The following DGKI variants were observed in gnomAD, a reference collection of about 807,000 sequenced individuals.
The protein encoded by DGKI is diacylglycerol kinase iota.
DGKI carries 55 observed loss-of-function variants against 147.5 expected under a neutral mutation model. The ratio of observed to expected loss-of-function variants is 0.37; its 90% CI spans 0.30 to 0.47. The LOEUF (loss-of-function observed/expected upper bound fraction) is 0.47, where lower values mean the gene tolerates loss of function less well. Ranked by LOEUF, DGKI falls within the 20% of genes least tolerant of loss-of-function variation. The pLI, the probability that DGKI is intolerant of heterozygous loss-of-function variation, is 1.00. For synonymous variants in DGKI, 469 were observed against 477.1 expected (o/e 0.98, Z 0.22); for missense variants, 1,007 against 1,323.8 (o/e 0.76, Z 3.71).
intron 1 of DGKI, among the ~76,000 whole-genome samples, chr7:137,724,577 G>T (rs539936577): frequency 1.4e-4 from 21 of 152,284 alleles, no homozygotes; most frequent in African/African-American, 5.1e-4. Context: ...ATGAACTAAT[G>T]ATGAATTGTT....
At chr7:137,793,739 C>A (rs1043001020) in intron 1 of DGKI, among the ~76,000 whole-genome samples, 6 of 152,154 alleles carry the variant, frequency 3.9e-5, no homozygotes, top group Non-Finnish European at 5.9e-5. Context: ...GTGATTCCTA[C>A]AATATGTTCT....
intron 7 of DGKI, among the ~76,000 whole-genome samples, chr7:137,623,198 C>T (rs1267539608): frequency 2.6e-5 from 4 of 152,344 alleles, no homozygotes; most frequent in Admixed American, 2.0e-4. Context: ...AAGTCCTCAA[C>T]TCTAGACCCA....
At position 137,843,611 on chromosome 7, in the gene DGKI, AG is replaced by A. The variant is rs548322373; in HGVS notation, c.401+2850del. ...CAAGCAAAATGAATAATCTGCCTCCAGAAATGGTTATTTAAAGGCTTTTTGT... is the reference window on the plus strand; with the variant it reads ...CAAGCAAAATGAATAATCTGCCTCCAAAATGGTTATTTAAAGGCTTTTTGT... On this transcript the variant is annotated intron_variant, in intron 1 of 32. Transcript: ENST00000614521. 5 of 179,816 alleles carry A rather than the reference AG, an allele frequency of 2.8e-5. No individual in the cohort carries two copies. In the South Asian group the frequency reaches 9.3e-4, roughly 33 times the overall value. The allele number at this position is 179,816 out of a possible 1,614,324, so 11.1% of individuals were successfully genotyped here.
chr7:137,491,779 C>T (rs554631763), intron 21 of DGKI, among the ~76,000 whole-genome samples: 48 of 152,302 alleles, frequency 3.2e-4, no homozygotes, highest in South Asian at 8.3e-4. Context: ...AAACTTTCTC[C>T]AAAGCCCATG....
At chr7:137,583,302 T>C (rs1378882998) in intron 14 of DGKI, among the ~76,000 whole-genome samples, 1 of 152,146 alleles carries the variant, frequency 6.6e-6, no homozygotes, top group African/African-American at 2.4e-5. Context: ...TGTCTTACTC[T>C]TCAGCCTTCT....
chr7:137,449,409 T>C (rs1813862769), intron 27 of DGKI, among the ~76,000 whole-genome samples: 1 of 152,202 alleles, frequency 6.6e-6, no homozygotes, highest in Admixed American at 6.5e-5. Context: ...TTTCAATAAA[T>C]AGTGTTGGGA....
At chr7:137,798,370 C>A (rs4732269) in intron 1 of DGKI, among the ~76,000 whole-genome samples, 152,344 of 152,344 alleles carry the variant, frequency 1, 76,172 homozygotes, top group Non-Finnish European at 1. Flanking sequence ...TCTTAAAACC[C>A]AACCAAAGCA....
In DGKI at chr7:137,575,458, G is replaced by A. The variant is rs573784081; in HGVS notation, c.1761+1764C>T. Among the ~76,000 whole-genome samples, 63 of 152,226 alleles carry A rather than the reference G, an allele frequency of 4.1e-4. 1 individual carries two copies. Among genetic ancestry groups the A allele is most frequent in the African/African-American group, 1.5e-3 (63 of 41,544 alleles). On this transcript the variant is annotated intron_variant, in intron 17 of 32. Coordinates refer to ENST00000614521, the MANE Select transcript of DGKI (RefSeq NM_001321708.2). Reference sequence around the variant, plus strand: ...AAGTTACAGAGTTTGATATCAATCCGGTGACTTGCACAGTACACTGCCATT... The same window carrying A: ...AAGTTACAGAGTTTGATATCAATCCAGTGACTTGCACAGTACACTGCCATT...
intron 32 of DGKI, among the ~76,000 whole-genome samples, chr7:137,392,751 G>C (rs529971836): frequency 6.6e-6 from 1 of 152,192 alleles, no homozygotes; most frequent in South Asian, 2.1e-4. Context: ...GAATTTCCAG[G>C]TTCCAAATAT....
chr7:137,454,366 T>C (rs1351987502), intron 27 of DGKI, among the ~76,000 whole-genome samples: 1 of 152,204 alleles, frequency 6.6e-6, no homozygotes, highest in Admixed American at 6.5e-5. Context: ...TGAATGTCTT[T>C]CGAGTATAAA....
chr7:137,514,625 C>T (rs1816692078), intron 21 of DGKI, among the ~76,000 whole-genome samples: 1 of 152,156 alleles, frequency 6.6e-6, no homozygotes, highest in Admixed American at 6.6e-5. Flanking sequence ...TCTTCCCTAC[C>T]TCTATTTACC....
At chr7:137,527,705 C>T (rs991515341) in intron 20 of DGKI, among the ~76,000 whole-genome samples, 1 of 152,102 alleles carries the variant, frequency 6.6e-6, no homozygotes, top group Non-Finnish European at 1.5e-5. Flanking sequence ...CAGGCATTTG[C>T]TACTCATATA....
At chr7:137,525,461 T>A (rs1444011638) in intron 20 of DGKI, among the ~76,000 whole-genome samples, 1 of 152,146 alleles carries the variant, frequency 6.6e-6, no homozygotes, top group African/African-American at 2.4e-5. Flanking sequence ...CCTTCTCGAA[T>A]CATTTGCAAC....
At chr7:137,435,730 C>G (rs1813255306) in intron 28 of DGKI, among the ~76,000 whole-genome samples, 1 of 152,190 alleles carries the variant, frequency 6.6e-6, no homozygotes, top group Non-Finnish European at 1.5e-5. Flanking sequence ...ACAGTAGGCT[C>G]TACCTAGCAA....
At chr7:137,641,903 A>G (rs1821640796) in intron 6 of DGKI, among the ~76,000 whole-genome samples, 1 of 152,234 alleles carries the variant, frequency 6.6e-6, no homozygotes, top group Admixed American at 6.5e-5. Context: ...TGCTTCCCTC[A>G]AAAAATGAAG....
At chr7:137,806,810 A>G (rs893360207) in intron 1 of DGKI, among the ~76,000 whole-genome samples, 1 of 152,176 alleles carries the variant, frequency 6.6e-6, no homozygotes, top group Non-Finnish European at 1.5e-5. Flanking sequence ...CCCACCATGC[A>G]TGACAGCAAC....
chr7:137,487,829 C>G (rs1563049444), intron 21 of DGKI, 140 bp from the exon 22 acceptor site: 2 of 717,698 alleles, frequency 2.8e-6, no homozygotes, highest in East Asian at 5.3e-5. Context: ...GAAAGAAGTA[C>G]TTTCTCCCTA....
intron 6 of DGKI, among the ~76,000 whole-genome samples, chr7:137,637,835 C>A (rs182710927): frequency 0.014 from 2,150 of 152,170 alleles, 14 homozygotes; most frequent in Non-Finnish European, 0.024. Flanking sequence ...TCCTTGAAAT[C>A]ATATTTCATT....
At chr7:137,530,044 A>T (rs1442818649) in intron 20 of DGKI, among the ~76,000 whole-genome samples, 1 of 152,118 alleles carries the variant, frequency 6.6e-6, no homozygotes, top group East Asian at 1.9e-4. Context: ...GAGTCACTGC[A>T]CCCGGCCATG....
Sources: gnomAD v4.1 joint callset for allele counts (sites outside exome capture counted in the v4.1 genomes callset) on GRCh38, gnomAD v4.1.1 for gene constraint, MANE v1.5 for transcripts, NCBI Gene and HGNC (gene_info 2026-07-23, HGNC 2026-07-21) for gene names.